The following BCAN variants were observed in gnomAD, a reference collection of about 807,000 sequenced individuals.
BCAN encodes the protein brevican, also known as brevican core protein.
A neutral mutation model predicts 92.4 loss-of-function variants in BCAN; 51 were observed. That is an observed-to-expected ratio of 0.55 (90% CI 0.44 to 0.70). BCAN has a LOEUF of 0.70. Among genes scored for constraint, BCAN ranks in the 30% least tolerant of loss-of-function variants. The pLI is 0.00. For missense variants in BCAN, 1,140 were observed against 1,212.1 expected (o/e 0.94, Z 0.88); for synonymous variants, 501 against 505.2 (o/e 0.99, Z 0.11).
At position 156,658,257 on chromosome 1, in the gene BCAN, G is replaced by GC. The variant is rs1249130814; in HGVS notation, c.2424dup (p.Lys809GlnfsTer27). 1.2e-6 allele frequency: 2 copies of GC among 1,614,008 alleles called. No individual in the cohort carries two copies. The highest frequency in any genetic ancestry group is 1.7e-6 in the Non-Finnish European group (2 of 1,179,928). ...TGCAACTACCACCTGTCCTACACCT[G>GC]CAAGATGGGGCTGGGTGAGGGCAGG... On this transcript the variant is annotated frameshift_variant, in exon 12 of 14. Coordinates refer to ENST00000329117, the MANE Select transcript of BCAN (RefSeq NM_021948.5). LOFTEE classifies it high-confidence loss of function. The surrounding 1 kb of genome is among the most constrained non-coding windows in gnomAD (Gnocchi z 4.4).
At position 156,658,478 on chromosome 1, in the gene BCAN, C is replaced by A; in HGVS notation, c.2438-65C>A. 6.4e-7 allele frequency: 1 copy of A among 1,560,958 alleles called. No individual in the cohort carries two copies. Among genetic ancestry groups the A allele is most frequent in the South Asian group, 1.2e-5 (1 of 84,878 alleles). On this transcript the variant is annotated intron_variant, in intron 12 of 13. Coordinates refer to ENST00000329117, the MANE Select transcript of BCAN (RefSeq NM_021948.5). This position sits in a 1 kb window ranked among gnomAD's most constrained non-coding sequence, Gnocchi z 4.4. The stretch of plus-strand genomic sequence containing the variant: ...TGTTGTGGCCCATTTTTCTCTTCCC[C>A]ATGGAGATTCTGGGAACTGTCACCC...
In BCAN at chr1:156,647,022, C is replaced by G. The variant is rs115373136; in HGVS notation, c.313C>G (p.Arg105Gly). The G allele has an allele frequency of 0.015, 23,828 of 1,612,772 alleles. 309 individuals are homozygous for G. The highest frequency in any genetic ancestry group is 0.016 in the Admixed American group (945 of 59,966). Residue 105 changes from arginine to glycine, a missense_variant, in exon 3 of 14, where the codon CGG (arginine) becomes GGG (glycine). Arg to Gly is a moderately radical substitution (Grantham distance 125). Transcript: ENST00000329117. This position sits in a 1 kb window ranked among gnomAD's most constrained non-coding sequence, Gnocchi z 4.8. ...GVRVKVNEAY[R>G]FRVALPAYPA... is the part of the protein sequence containing the mutation. ...GCGCGTCAAGGTGAACGAGGCCTAC[C>G]GGTTCCGCGTGGCACTGCCTGCGTA...
chr1:156,644,396 C>CA (rs908446068), intron 1 of BCAN: 2 of 152,464 alleles, frequency 1.3e-5, no homozygotes, highest in African/African-American at 4.8e-5. Context: ...TGGCACAGCT[C>CA]AGATGCATGG....
At position 156,651,628 on chromosome 1, in the gene BCAN, G is replaced by A. The variant is rs1450720180; in HGVS notation, c.1236G>A (p.Glu412=). ...RGAIYSIPIM[E]DGGGGSSTPE... ...CCATCTACTCCATCCCCATCATGGA[G>A]GACGGAGGAGGTGGAAGCTCCACTC... The change falls in exon 7 of 14, where the codon GAG becomes GAA. Residue 412 remains glutamate (E), a synonymous_variant. Transcript: ENST00000329117. 2 of 1,613,808 alleles carry A rather than the reference G, an allele frequency of 1.2e-6. No individual in the cohort carries two copies. Among genetic ancestry groups the A allele is most frequent in the East Asian group, 2.2e-5 (1 of 44,882 alleles).
rs2102563844 is a variant in BCAN, at chr1:156,651,469, T to G, written c.1077T>G (p.Pro359=). The change falls in exon 7 of 14, where the codon CCT becomes CCG. Residue 359 remains proline (P), a synonymous_variant. Transcript: ENST00000329117. ...NVYCFRDSAQ[P]SAIPEASNPA... ...CTCCTGCCACAGACTCGGCCCAGCC[T>G]TCTGCCATCCCTGAGGCCTCCAACC... is the stretch of plus-strand genomic sequence containing the variant. 6.2e-7 allele frequency: 1 copy of G among 1,613,828 alleles called. No homozygotes were observed. The highest frequency in any genetic ancestry group is 8.5e-7 in the Non-Finnish European group (1 of 1,179,952).
At position 156,658,868 on chromosome 1, in the gene BCAN, G is replaced by A. The variant is rs569626167; in HGVS notation, c.2628+135G>A. The A allele has an allele frequency of 2.7e-4, 376 of 1,405,730 alleles. 1 individual carries two copies. The African/African-American group carries it at 4.6e-3, about 17-fold the overall frequency. The allele number at this position is 1,405,730 out of a possible 1,614,324, so 87.1% of individuals were successfully genotyped here. ...TGCCCCTCTCTGAGGCAAAGGGGAA[G>A]AGGTGGGCTGGAGGCTCTGGGGTTC... On this transcript the variant is annotated intron_variant, in intron 13 of 13. Transcript: ENST00000329117. This position sits in a 1 kb window ranked among gnomAD's most constrained non-coding sequence, Gnocchi z 4.4.
rs759360036 is a variant in BCAN at position 156,646,998 on chromosome 1, C to T, written c.289C>T (p.Arg97Cys). 2 of 1,612,708 alleles carry T rather than the reference C, an allele frequency of 1.2e-6. No homozygotes were observed. Among genetic ancestry groups the T allele is most frequent in the Non-Finnish European group, 1.7e-6 (2 of 1,179,536 alleles). ...AGAGGTGCTGGTGGCGCGGGGAGTG[C>T]GCGTCAAGGTGAACGAGGCCTACCG... ...EAEVLVARGV[R>C]VKVNEAYRFR... Residue 97 changes from arginine to cysteine, a missense_variant, in exon 3 of 14, where the codon CGC becomes TGC. Transcript: ENST00000329117.
In BCAN at chr1:156,642,518, AG is replaced by A. The variant is rs1411689468; in HGVS notation, c.-9+244del. ...CAGTGGCAGCCCCCCTGCTGCTCGC[AG>A]TCTGATCAGCAACCCCTCGGGTCCT... On this transcript the variant is annotated intron_variant, in intron 1 of 13. Transcript: ENST00000329117. This position sits in a 1 kb window ranked among gnomAD's most constrained non-coding sequence, Gnocchi z 4.2. 1 of 152,368 alleles carries A rather than the reference AG, an allele frequency of 6.6e-6. No individual in the cohort carries two copies. Among genetic ancestry groups the A allele is most frequent in the Non-Finnish European group, 1.5e-5 (1 of 68,138 alleles). The allele number at this position is 152,368 out of a possible 1,614,324, so 9.4% of individuals were successfully genotyped here.
intron 8 of BCAN, among the ~76,000 whole-genome samples, chr1:156,654,680 G>C (rs540419742): frequency 8.7e-4 from 132 of 152,330 alleles, no homozygotes; most frequent in African/African-American, 2.9e-3. Context: ...TGTCCCCCAG[G>C]GTTGGAGGGT....
chr1:156,649,376 TAG>T (rs950958228), intron 6 of BCAN, among the ~76,000 whole-genome samples: 1 of 152,184 alleles, frequency 6.6e-6, no homozygotes, highest in African/African-American at 2.4e-5. Context: ...CAGTTGGGAA[TAG>T]AGATAGCTTT....
intron 1 of BCAN, among the ~76,000 whole-genome samples, chr1:156,645,699 T>C (rs1380421446): frequency 6.6e-6 from 1 of 152,080 alleles, no homozygotes; most frequent in Non-Finnish European, 1.5e-5. Flanking sequence ...TGCTATGCAT[T>C]TGTACAGGAG....
chr1:156,644,598 T>G (rs1022600108), intron 1 of BCAN: 1 of 152,008 alleles, frequency 6.6e-6, no homozygotes, highest in Non-Finnish European at 1.5e-5. Context: ...GTGCCACTCC[T>G]CTCCCAACTC....
At chr1:156,649,003 T>C (rs1679075791) in intron 6 of BCAN, 142 bp downstream of exon 6, 4 of 1,025,202 alleles carry the variant, frequency 3.9e-6, no homozygotes, top group Non-Finnish European at 5.4e-6. Context: ...CAGCTTGTCA[T>C]CTAGGGTTCT....
At position 156,657,781 on chromosome 1, in the gene BCAN, G is replaced by A. The variant is rs201248650; in HGVS notation, c.2292+24G>A. The A allele has an allele frequency of 3.1e-3, 4,902 of 1,594,740 alleles. 9 individuals are homozygous for A. The highest frequency in any genetic ancestry group is 3.9e-3 in the Non-Finnish European group (4,526 of 1,168,628). ...TGGTGAGAGGCCCCAGTCGAACCCC[G>A]CCGTCTAGCTCACTTCCTCTAAGCA... On this transcript the variant is annotated intron_variant, in intron 11 of 13. Coordinates refer to ENST00000329117, the MANE Select transcript of BCAN (RefSeq NM_021948.5).
At chr1:156,643,653 G>GAA (rs1281191676) in intron 1 of BCAN, 2 of 152,058 alleles carry the variant, frequency 1.3e-5, no homozygotes, top group Non-Finnish European at 2.9e-5. Context: ...GAGAGAGAGA[G>GAA]AGAGAGAGAG....
chr1:156,647,701 T>C lies in BCAN; in HGVS notation c.641+19T>C, dbSNP rs773929241. 7 of 1,568,764 alleles carry C rather than the reference T, an allele frequency of 4.5e-6. No homozygotes were observed. The highest frequency in any genetic ancestry group is 1.8e-5 in the Admixed American group (1 of 54,848). ...CCGTGAGGTGGGCAGGGGCTGTGGA[T>C]TGGGGCTTCTATTGGCCCCTGAGGT... On this transcript the variant is annotated intron_variant, in intron 4 of 13. Coordinates refer to ENST00000329117, the MANE Select transcript of BCAN (RefSeq NM_021948.5). This position sits in a 1 kb window ranked among gnomAD's most constrained non-coding sequence, Gnocchi z 4.8.
rs2102572111 is a variant in BCAN, at chr1:156,657,023, A to G, written c.2136A>G (p.Ala712=). The change falls in exon 10 of 14, where the codon GCA becomes GCG. Residue 712 remains alanine (A), a synonymous_variant. Coordinates refer to ENST00000329117, the MANE Select transcript of BCAN (RefSeq NM_021948.5). ...HFSTRRSWEE[A]ETQCRMYGAH... is the part of the protein sequence containing the mutation. ...CCACACGAAGGAGCTGGGAGGAGGCAGAGACCCAGTGCCGGATGTACGGCG... is the reference window on the plus strand; with the variant it reads ...CCACACGAAGGAGCTGGGAGGAGGCGGAGACCCAGTGCCGGATGTACGGCG... 6.2e-7 allele frequency: 1 copy of G among 1,614,182 alleles called. No homozygotes were observed. Among genetic ancestry groups the G allele is most frequent in the Non-Finnish European group, 8.5e-7 (1 of 1,180,010 alleles).
At position 156,646,671 on chromosome 1, in the gene BCAN, C is replaced by T. The variant is rs573798203; in HGVS notation, c.92-130C>T. The T allele has an allele frequency of 1.2e-3, 1,492 of 1,214,212 alleles. 10 individuals are homozygous for T. In the African/African-American group the frequency reaches 0.017, roughly 14 times the overall value. 75.2% of individuals were successfully genotyped at this position (1,214,212 alleles called of 1,614,324 possible). A position where few individuals can be genotyped will look rare whatever the true frequency, so the allele number is the denominator to read the frequency against. On this transcript the variant is annotated intron_variant, in intron 2 of 13. Transcript: ENST00000329117. ...CAGGACCCTGGCCCCTGGCCCCTGG[C>T]CCCTGGTCCTAGGGGGGCCGGGGAA...
intron 6 of BCAN, among the ~76,000 whole-genome samples, chr1:156,649,234 C>T: frequency 6.6e-6 from 1 of 152,214 alleles, no homozygotes; most frequent in East Asian, 1.9e-4. Flanking sequence ...TTCTTCCAGT[C>T]AACAACCAAA....
Sources: allele counts gnomAD v4.1 joint callset (sites outside exome capture counted in the v4.1 genomes callset), GRCh38; gene constraint gnomAD v4.1.1; non-coding constraint Gnocchi (gnomAD v3.1); transcripts MANE v1.5; gene names NCBI Gene and HGNC (gene_info 2026-07-23, HGNC 2026-07-21).